Variants in ANKRD6 observed in about 807,000 individuals in gnomAD.
ANKRD6 encodes ankyrin repeat domain-containing protein 6.
In ANKRD6, 56 loss-of-function variants were observed where a neutral mutation model predicts 82.3. The observed-to-expected ratio is 0.68, with a 90% CI of 0.55 to 0.85. The LOEUF (loss-of-function observed/expected upper bound fraction) is 0.85, where lower values mean the gene tolerates loss of function less well. ANKRD6 is among the 40% of genes least tolerant of loss of function. ANKRD6 has a pLI of 0.00. For missense variants in ANKRD6, 852 were observed against 907.6 expected (o/e 0.94, Z 0.79); for synonymous variants, 347 against 352.1 (o/e 0.99, Z 0.16).
Position 89,633,450 on chromosome 6 carries a change from A to AC in ANKRD6, c.*2446_*2447insC, listed in dbSNP as rs1284583909. 1.3e-5 allele frequency: 2 copies of AC among 152,240 alleles called. No individual in the cohort carries two copies. The highest frequency in any genetic ancestry group is 2.9e-5 in the Non-Finnish European group (2 of 68,040). The allele number at this position is 152,240 out of a possible 1,614,324, so 9.4% of individuals were successfully genotyped here. On this transcript the variant is annotated 3_prime_UTR_variant, in exon 16 of 16. Coordinates refer to ENST00000339746, the MANE Select transcript of ANKRD6 (RefSeq NM_001242809.2). Reference sequence around the variant, plus strand: ...ATGCCACAACTGTACTTTTCCAAAGAAAAAGAACTATTGACAACTTATAGC... The same window carrying AC: ...ATGCCACAACTGTACTTTTCCAAAGACAAAAGAACTATTGACAACTTATAGC...
At chr6:89,621,892 G>A in intron 9 of ANKRD6, 30 bp from the exon 10 acceptor site, 1 of 1,601,558 alleles carries the variant, frequency 6.2e-7, no homozygotes, top group East Asian at 2.2e-5. Flanking sequence ...GCACACCAGT[G>A]GTTGTAACAA....
At chr6:89,556,549 C>T (rs1325965493) in intron 1 of ANKRD6, among the ~76,000 whole-genome samples, 1 of 152,228 alleles carries the variant, frequency 6.6e-6, no homozygotes, top group Non-Finnish European at 1.5e-5. Context: ...CTGAAACCTG[C>T]TTTACCTCTT....
chr6:89,626,760 C>G (rs1046588677), intron 13 of ANKRD6, among the ~76,000 whole-genome samples: 1 of 152,178 alleles, frequency 6.6e-6, no homozygotes, highest in Non-Finnish European at 1.5e-5. Flanking sequence ...AGGGGTCCCA[C>G]AGGAAATGCC....
intron 5 of ANKRD6, among the ~76,000 whole-genome samples, chr6:89,612,060 A>G (rs1271513144): frequency 3.3e-5 from 5 of 152,234 alleles, no homozygotes; most frequent in Non-Finnish European, 5.9e-5. Context: ...CTTGGAACCA[A>G]GGTTTTATGA....
At chr6:89,580,518 G>C (rs1041015851) in intron 2 of ANKRD6, among the ~76,000 whole-genome samples, 1 of 152,134 alleles carries the variant, frequency 6.6e-6, no homozygotes, top group African/African-American at 2.4e-5. Context: ...GAGAACGCTG[G>C]AAGTCAGTAA....
chr6:89,612,406 T>C lies in ANKRD6; in HGVS notation c.516+36T>C, dbSNP rs181602896. ...AAAACCAGATTCTCACGTTCTCTCT[T>C]TCTTGTGTCACTTCAGAAAATAACT... On this transcript the variant is annotated intron_variant, in intron 6 of 15. Transcript: ENST00000339746. The C allele has an allele frequency of 3.4e-3, 5,083 of 1,514,822 alleles. 19 individuals carry two copies. Among genetic ancestry groups the C allele is most frequent in the Non-Finnish European group, 4.1e-3 (4,554 of 1,116,214 alleles). The allele number at this position is 1,514,822 out of a possible 1,614,324, so 93.8% of individuals were successfully genotyped here.
At chr6:89,461,003 C>A (rs757899888) in intron 1 of ANKRD6, among the ~76,000 whole-genome samples, 1 of 151,210 alleles carries the variant, frequency 6.6e-6, no homozygotes, top group African/African-American at 2.4e-5. Context: ...CGGGTTCAAG[C>A]GATTCTCCTG....
At chr6:89,530,052 G>T (rs527797814) in intron 1 of ANKRD6, among the ~76,000 whole-genome samples, 7 of 152,102 alleles carry the variant, frequency 4.6e-5, no homozygotes, top group African/African-American at 1.7e-4. Flanking sequence ...CCAGGAGGTC[G>T]AGACCAGCCT....
chr6:89,579,626 G>A (rs1206494895), intron 2 of ANKRD6, among the ~76,000 whole-genome samples: 1 of 151,806 alleles, frequency 6.6e-6, no homozygotes, highest in East Asian at 1.9e-4. Context: ...GTGTGGTGGT[G>A]CACGCCTGTA....
intron 1 of ANKRD6, among the ~76,000 whole-genome samples, chr6:89,434,146 C>G (rs902757468): frequency 6.6e-6 from 1 of 152,206 alleles, no homozygotes; most frequent in Non-Finnish European, 1.5e-5. Flanking sequence ...GGAGTTCTGA[C>G]TCCACCACTT....
intron 1 of ANKRD6, among the ~76,000 whole-genome samples, chr6:89,501,811 C>T (rs1045416457): frequency 1.3e-5 from 2 of 151,412 alleles, no homozygotes; most frequent in Non-Finnish European, 2.9e-5. Context: ...TAGAAGGTGT[C>T]GTGGTGCTAA....
intron 3 of ANKRD6, among the ~76,000 whole-genome samples, chr6:89,597,086 G>A (rs1796076663): frequency 1.3e-5 from 2 of 152,212 alleles, no homozygotes; most frequent in Non-Finnish European, 2.9e-5. Context: ...CAAACACACA[G>A]TAAGAAGGAC....
chr6:89,479,523 A>T (rs970643797), intron 1 of ANKRD6, among the ~76,000 whole-genome samples: 7 of 152,094 alleles, frequency 4.6e-5, no homozygotes, highest in African/African-American at 1.7e-4. Flanking sequence ...TTTTGTTATT[A>T]TAAATAGTGC....
In ANKRD6 at chr6:89,495,369, G is replaced by T. The variant is rs540197231; in HGVS notation, c.-144+61994G>T. On this transcript the variant is annotated intron_variant, in intron 1 of 15. Coordinates refer to ENST00000339746, the MANE Select transcript of ANKRD6 (RefSeq NM_001242809.2). ...GGACCTCTGGGAGGAGGGTAGAGGG[G>T]ATCTCTTCCACAGCAGGGAAGGAAT... Among the ~76,000 whole-genome samples, 65 of 152,314 alleles carry T rather than the reference G, an allele frequency of 4.3e-4. 2 individuals are homozygous for T. In the Middle Eastern group the frequency reaches 0.01, roughly 24 times the overall value.
intron 1 of ANKRD6, among the ~76,000 whole-genome samples, chr6:89,507,606 C>T (rs1780028378): frequency 6.6e-6 from 1 of 152,116 alleles, no homozygotes. Flanking sequence ...GTTTGGTGGC[C>T]TCATTGGAAG....
rs557898345 is a variant in ANKRD6, at chr6:89,512,490, C to T, written c.-143-54344C>T. 7.2e-5 allele frequency among the ~76,000 whole-genome samples: 11 copies of T among 152,288 alleles called. 1 individual carries two copies. In the East Asian group the frequency reaches 1.2e-3, roughly 16 times the overall value. On this transcript the variant is annotated intron_variant, in intron 1 of 15. Coordinates refer to ENST00000339746, the MANE Select transcript of ANKRD6 (RefSeq NM_001242809.2). ...GAGTGTCTGTTTCTAAGTTAGGGGG[C>T]GGAGTGCAGTCATGGGTTTTGGGGA...
At chr6:89,497,059 G>A (rs1192041112) in intron 1 of ANKRD6, among the ~76,000 whole-genome samples, 1 of 152,158 alleles carries the variant, frequency 6.6e-6, no homozygotes, top group African/African-American at 2.4e-5. Context: ...TGTCAGGGAT[G>A]CTTTCTCTCT....
intron 1 of ANKRD6, among the ~76,000 whole-genome samples, chr6:89,445,666 G>C (rs1462063368): frequency 6.6e-6 from 1 of 152,022 alleles, no homozygotes; most frequent in Non-Finnish European, 1.5e-5. Context: ...GGATGGTCTC[G>C]ATCTCCTGAC....
At chr6:89,535,078 A>G (rs967650021) in intron 1 of ANKRD6, among the ~76,000 whole-genome samples, 3 of 152,120 alleles carry the variant, frequency 2.0e-5, no homozygotes, top group South Asian at 4.2e-4. Flanking sequence ...CTTTGGGGGG[A>G]AAAAAAGGCA....
Sources: gnomAD v4.1 joint callset for allele counts (sites outside exome capture counted in the v4.1 genomes callset) on GRCh38, gnomAD v4.1.1 for gene constraint, MANE v1.5 for transcripts, NCBI Gene and HGNC (gene_info 2026-07-23, HGNC 2026-07-21) for gene names.